Variants in ACOT7 observed in about 807,000 individuals in gnomAD.
ACOT7 encodes cytosolic acyl coenzyme A thioester hydrolase.
Under a neutral mutation model 40.2 loss-of-function variants are expected in ACOT7, and 12 were observed. That is an observed-to-expected ratio of 0.30 (90% CI 0.19 to 0.48). The LOEUF (loss-of-function observed/expected upper bound fraction) is 0.48, where lower values mean the gene tolerates loss of function less well. Among genes scored for constraint, ACOT7 ranks in the 20% least tolerant of loss-of-function variants. ACOT7 has a pLI of 0.99. For missense variants in ACOT7, 395 were observed against 530.8 expected (o/e 0.74, Z 2.51); for synonymous variants, 228 against 219.5 (o/e 1.04, Z -0.34).
At chr1:6,347,722 G>A (rs922563527) in intron 2 of ACOT7, among the ~76,000 whole-genome samples, 1 of 151,730 alleles carries the variant, frequency 6.6e-6, no homozygotes, top group Non-Finnish European at 1.5e-5. Flanking sequence ...AGCCGGGATC[G>A]CACCATTGTA....
At chr1:6,307,639 A>G (rs1640194428) in intron 6 of ACOT7, among the ~76,000 whole-genome samples, 1 of 152,134 alleles carries the variant, frequency 6.6e-6, no homozygotes, top group Admixed American at 6.5e-5. Flanking sequence ...CAACAGGCGG[A>G]GGGAAGAGCA....
intron 6 of ACOT7, among the ~76,000 whole-genome samples, chr1:6,305,697 T>C (rs989366776): frequency 6.7e-6 from 1 of 148,662 alleles, no homozygotes; most frequent in Non-Finnish European, 1.5e-5. Context: ...CGCTCCTCAC[T>C]TTCCAGACTG....
chr1:6,283,315 C>G (rs137960673), intron 7 of ACOT7, among the ~76,000 whole-genome samples: 1 of 152,210 alleles, frequency 6.6e-6, no homozygotes, highest in African/African-American at 2.4e-5. Flanking sequence ...GCGTGCACCA[C>G]CATGCACGGC....
In ACOT7 at chr1:6,393,524, C is replaced by T. The variant is rs1047732575; in HGVS notation, c.-125G>A. On this transcript the variant is annotated 5_prime_UTR_variant, in exon 1 of 9. Transcript: ENST00000361521. ...GCCGGCCCCACCCCGAGCCCCGCCT[C>T]CCAGGCCGCCAAGGCTGCAGAGAGC... The T allele has an allele frequency of 4.5e-6, 4 of 892,574 alleles. No homozygotes were observed. The highest frequency in any genetic ancestry group is 5.8e-6 in the Non-Finnish European group (4 of 688,854). 55.3% of individuals were successfully genotyped at this position (892,574 alleles called of 1,614,324 possible). A position where few individuals can be genotyped will look rare whatever the true frequency, so the allele number is the denominator to read the frequency against.
At chr1:6,314,784 G>A (rs188220041) in intron 6 of ACOT7, among the ~76,000 whole-genome samples, 43 of 151,532 alleles carry the variant, frequency 2.8e-4, no homozygotes, top group African/African-American at 9.9e-4. Flanking sequence ...CCCTCCTCCC[G>A]CATGGGATGA....
At chr1:6,342,083 C>T (rs1641292212) in intron 2 of ACOT7, among the ~76,000 whole-genome samples, 1 of 152,206 alleles carries the variant, frequency 6.6e-6, no homozygotes, top group African/African-American at 2.4e-5. Context: ...TTAGACACAA[C>T]AGAAATTTAT....
intron 7 of ACOT7, 33 bp from the exon 8 acceptor site, chr1:6,281,319 C>A: frequency 6.3e-7 from 1 of 1,589,420 alleles, no homozygotes; most frequent in Non-Finnish European, 8.5e-7. Flanking sequence ...GTCAGGGCGG[C>A]CTCCACCCCA....
intron 5 of ACOT7, among the ~76,000 whole-genome samples, chr1:6,325,832 G>A (rs1248662207): frequency 2.0e-5 from 3 of 152,224 alleles, no homozygotes; most frequent in African/African-American, 7.2e-5. Context: ...CAAGGGAGGT[G>A]AGCGGCCATA....
At chr1:6,361,217 G>A (rs1641885644) in intron 1 of ACOT7, among the ~76,000 whole-genome samples, 1 of 152,168 alleles carries the variant, frequency 6.6e-6, no homozygotes, top group South Asian at 2.1e-4. Context: ...CTGGGTGAAA[G>A]AAGTCAATCA....
In ACOT7 at chr1:6,306,153, C is replaced by A. The variant is rs1371802552; in HGVS notation, c.713-11173G>T. Reference sequence around the variant, plus strand: ...AGATGGCAGCAGCACAGTCCAGCTTCGGCTCGGCATCAGAGGGAGACCGTG... The same window carrying A: ...AGATGGCAGCAGCACAGTCCAGCTTAGGCTCGGCATCAGAGGGAGACCGTG... On this transcript the variant is annotated intron_variant, in intron 6 of 8. Transcript: ENST00000361521. The surrounding 1 kb of genome is among the most constrained non-coding windows in gnomAD (Gnocchi z 4.3). The A allele has an allele frequency of 1.3e-6, 1 of 761,970 alleles. No individual in the cohort carries two copies. The highest frequency in any genetic ancestry group is 1.6e-6 in the Non-Finnish European group (1 of 634,520). 47.2% of individuals were successfully genotyped at this position (761,970 alleles called of 1,614,324 possible).
At chr1:6,292,120 G>A (rs1327325597) in intron 7 of ACOT7, among the ~76,000 whole-genome samples, 1 of 152,232 alleles carries the variant, frequency 6.6e-6, no homozygotes, top group African/African-American at 2.4e-5. Flanking sequence ...GGCCCTGGAG[G>A]ATACTGGCAT....
In ACOT7 at chr1:6,282,669, AT is replaced by A; in HGVS notation, c.830-1384del. On this transcript the variant is annotated intron_variant, in intron 7 of 8. Coordinates refer to ENST00000361521, the MANE Select transcript of ACOT7 (RefSeq NM_007274.4). The surrounding 1 kb of genome is among the most constrained non-coding windows in gnomAD (Gnocchi z 4.5). The stretch of plus-strand genomic sequence containing the variant: ...TAGCAGGCCAGAGGCAAGAGCGGTT[AT>A]TCCATGTTAAAAAGTATCAGAACGA... 7.9e-7 allele frequency: 1 copy of A among 1,270,536 alleles called. No homozygotes were observed. The highest frequency in any genetic ancestry group is 1.0e-6 in the Non-Finnish European group (1 of 959,006). 78.7% of individuals were successfully genotyped at this position (1,270,536 alleles called of 1,614,324 possible).
Position 6,358,920 on chromosome 1 carries a change from A to C in ACOT7, c.144-9054T>G. ...GGAAGCATCACAGAGTCCTTGCCTG[A>C]CCCAGGACTGTCCCAGCTCCCTGCC... On this transcript the variant is annotated intron_variant, in intron 1 of 8. Coordinates refer to ENST00000361521, the MANE Select transcript of ACOT7 (RefSeq NM_007274.4). The surrounding 1 kb of genome is among the most constrained non-coding windows in gnomAD (Gnocchi z 4.1). The C allele has an allele frequency of 6.3e-7, 1 of 1,587,612 alleles. No individual in the cohort carries two copies. The highest frequency in any genetic ancestry group is 8.6e-7 in the Non-Finnish European group (1 of 1,167,168).
intron 4 of ACOT7, among the ~76,000 whole-genome samples, chr1:6,331,880 C>G (rs1227435927): frequency 2.0e-5 from 3 of 152,216 alleles, no homozygotes; most frequent in Admixed American, 6.5e-5. Context: ...AGACACGGAG[C>G]TGGGGACAGA....
rs935452425 is a variant in ACOT7 at position 6,288,948 on chromosome 1, T to G, written c.829+5916A>C. Among the ~76,000 whole-genome samples, 3 of 152,212 alleles carry G rather than the reference T, an allele frequency of 2.0e-5. No individual in the cohort carries two copies. Among genetic ancestry groups the G allele is most frequent in the East Asian group, 3.9e-4 (2 of 5,182 alleles). ...AGCCACAGCCACAGGGCCTGGCACT[T>G]GGTCAATATCGCATAAAAGGTCACT... On this transcript the variant is annotated intron_variant, in intron 7 of 8. Transcript: ENST00000361521. This position sits in a 1 kb window ranked among gnomAD's most constrained non-coding sequence, Gnocchi z 4.3.
At chr1:6,308,975 T>C (rs1457694960) in intron 6 of ACOT7, among the ~76,000 whole-genome samples, 2 of 152,194 alleles carry the variant, frequency 1.3e-5, no homozygotes, top group Non-Finnish European at 2.9e-5. Flanking sequence ...AGAAAACCAC[T>C]ACGTCCTGGC....
chr1:6,346,648 G>T, intron 2 of ACOT7, among the ~76,000 whole-genome samples: 1 of 152,244 alleles, frequency 6.6e-6, no homozygotes, highest in Non-Finnish European at 1.5e-5. Flanking sequence ...ACTGTGCCCT[G>T]ACTCCACATC....
At chr1:6,290,069 G>A (rs1639621025) in intron 7 of ACOT7, among the ~76,000 whole-genome samples, 1 of 152,190 alleles carries the variant, frequency 6.6e-6, no homozygotes, top group Non-Finnish European at 1.5e-5. Context: ...TGAGAGGGAG[G>A]CAGGAGTGTC....
intron 8 of ACOT7, among the ~76,000 whole-genome samples, chr1:6,276,098 T>C (rs1639180955): frequency 6.6e-6 from 1 of 152,058 alleles, no homozygotes; most frequent in African/African-American, 2.4e-5. Flanking sequence ...CCGCCCTGTC[T>C]ACACCTCCTC....
Sources: gnomAD v4.1 joint callset for allele counts (sites outside exome capture counted in the v4.1 genomes callset) on GRCh38, gnomAD v4.1.1 for gene constraint, Gnocchi (gnomAD v3.1) non-coding constraint, MANE v1.5 for transcripts, NCBI Gene and HGNC (gene_info 2026-07-23, HGNC 2026-07-21) for gene names.